Variants in DOCK8 observed in about 807,000 individuals in gnomAD.
DOCK8 encodes the protein dedicator of cytokinesis 8.
A neutral mutation model predicts 245.6 loss-of-function variants in DOCK8; 141 were observed. The ratio of observed to expected loss-of-function variants is 0.57; its 90% CI spans 0.50 to 0.66. DOCK8 has a LOEUF of 0.66. Among genes scored for constraint, DOCK8 ranks in the 30% least tolerant of loss-of-function variants. The probability of loss-of-function intolerance (pLI) is 0.00; values close to 1 mark genes in which losing one functional copy is unlikely to be tolerated. For missense variants in DOCK8, 2,965 were observed against 2,603.4 expected, an observed-to-expected ratio of 1.14 and a Z score of -3.02; for synonymous variants, 1,168 against 970.2, an observed-to-expected ratio of 1.20 and a Z score of -3.79.
At chr9:238,986 C>T (rs1294407219) in intron 1 of DOCK8, among the ~76,000 whole-genome samples, 6 of 152,138 alleles carry the variant, frequency 3.9e-5, no homozygotes, top group Non-Finnish European at 8.8e-5. Context: ...CACCGATTCA[C>T]CTACTCTGTG....
chr9:281,565 A>G (rs1182050940), intron 2 of DOCK8, among the ~76,000 whole-genome samples: 15 of 152,088 alleles, frequency 9.9e-5, no homozygotes, highest in East Asian at 7.7e-4. Context: ...CTGAAATGCA[A>G]TGCCACTGTA....
intron 6 of DOCK8, among the ~76,000 whole-genome samples, chr9:316,348 C>T (rs1192081869): frequency 6.6e-6 from 1 of 152,150 alleles, no homozygotes; most frequent in East Asian, 1.9e-4. Context: ...AATGATAGTT[C>T]AGATACAGAT....
intron 1 of DOCK8, among the ~76,000 whole-genome samples, chr9:244,548 C>G (rs1170295780): frequency 6.6e-6 from 1 of 152,184 alleles, no homozygotes; most frequent in Non-Finnish European, 1.5e-5. Context: ...CTCCCGCAAC[C>G]TGCCCCTGGT....
intron 24 of DOCK8, among the ~76,000 whole-genome samples, chr9:396,348 T>C (rs1421599072): frequency 5.9e-5 from 9 of 152,192 alleles, no homozygotes; most frequent in Admixed American, 5.9e-4. Context: ...CTCCTTACTG[T>C]AGTTTCAGGA....
intron 14 of DOCK8, among the ~76,000 whole-genome samples, chr9:361,808 G>T (rs116301717): frequency 1.3e-5 from 2 of 152,100 alleles, no homozygotes; most frequent in Admixed American, 6.5e-5. Context: ...ATTTTATTTC[G>T]AAATAAAATC....
At chr9:461,348 T>C (rs2057798240) in intron 46 of DOCK8, among the ~76,000 whole-genome samples, 1 of 152,156 alleles carries the variant, frequency 6.6e-6, no homozygotes, top group Admixed American at 6.5e-5. Flanking sequence ...TTCTATTAGA[T>C]GTGGGTTGGA....
chr9:300,055 C>G (rs2049463194), intron 4 of DOCK8, among the ~76,000 whole-genome samples: 1 of 151,846 alleles, frequency 6.6e-6, no homozygotes, highest in South Asian at 2.1e-4. Flanking sequence ...TTGTGGTAAG[C>G]CTTGACTTGA....
chr9:229,469 A>C (rs1374098957), intron 1 of DOCK8, among the ~76,000 whole-genome samples: 1 of 152,146 alleles, frequency 6.6e-6, no homozygotes, highest in African/African-American at 2.4e-5. Context: ...CCATAATTAC[A>C]CTGATGGACT....
chr9:391,823 T>C (rs1052584031), intron 24 of DOCK8, among the ~76,000 whole-genome samples: 3 of 75,126 alleles, frequency 4.0e-5, no homozygotes, highest in African/African-American at 2.2e-4. Flanking sequence ...AAGTGAATCT[T>C]TTTTTTTTTT....
intron 7 of DOCK8, among the ~76,000 whole-genome samples, chr9:322,753 A>G (rs1563919787): frequency 1.3e-5 from 2 of 152,200 alleles, no homozygotes; most frequent in East Asian, 1.9e-4. Context: ...ACAATTAAAT[A>G]TAGATTGAGC....
intron 8 of DOCK8, among the ~76,000 whole-genome samples, chr9:326,668 C>G (rs1001017849): frequency 2.6e-5 from 4 of 152,246 alleles, no homozygotes; most frequent in African/African-American, 2.4e-5. Flanking sequence ...AGGGACCCCT[C>G]TGTTCCACGC....
chr9:212,394 G>A (rs1293694697), upstream of DOCK8, among the ~76,000 whole-genome samples: 3 of 152,158 alleles, frequency 2.0e-5, no homozygotes, highest in African/African-American at 7.2e-5. Flanking sequence ...CAAAGATACG[G>A]AGAAAGAGGA....
chr9:453,103 G>T (rs1287395619), intron 46 of DOCK8, among the ~76,000 whole-genome samples: 1 of 152,262 alleles, frequency 6.6e-6, no homozygotes, highest in African/African-American at 2.4e-5. Flanking sequence ...TCATCAAAAT[G>T]CTAGCATTTG....
At chr9:460,797 A>T (rs2057781651) in intron 46 of DOCK8, among the ~76,000 whole-genome samples, 1 of 152,204 alleles carries the variant, frequency 6.6e-6, no homozygotes, top group Admixed American at 6.5e-5. Flanking sequence ...TTCCTCTTTG[A>T]CTGTCATCCT....
At chr9:400,255 A>T (rs1355792828) in intron 26 of DOCK8, among the ~76,000 whole-genome samples, 5 of 102,518 alleles carry the variant, frequency 4.9e-5, no homozygotes, top group Admixed American at 1.9e-4. Context: ...CTCCACCATC[A>T]CCACCACCTC....
At chr9:326,166 T>C (rs1418202965) in intron 8 of DOCK8, among the ~76,000 whole-genome samples, 1 of 152,216 alleles carries the variant, frequency 6.6e-6, no homozygotes, top group Non-Finnish European at 1.5e-5. Flanking sequence ...CCTTACCAAC[T>C]GTAATGTGCT....
intron 2 of DOCK8, among the ~76,000 whole-genome samples, chr9:275,580 T>A (rs1469679526): frequency 6.6e-6 from 1 of 152,168 alleles, no homozygotes; most frequent in African/African-American, 2.4e-5. Flanking sequence ...CTGTTATTTA[T>A]TTATTTAAAA....
At chr9:389,869 G>GA (rs1211678574) in intron 23 of DOCK8, among the ~76,000 whole-genome samples, 2 of 151,946 alleles carry the variant, frequency 1.3e-5, no homozygotes, top group Non-Finnish European at 2.9e-5. Context: ...AAAGAAAAAA[G>GA]AAAAAACTAG....
chr9:306,637 T>C (rs1427411978), intron 5 of DOCK8, among the ~76,000 whole-genome samples: 1 of 152,140 alleles, frequency 6.6e-6, no homozygotes, highest in Non-Finnish European at 1.5e-5. Flanking sequence ...CACTTCAGCT[T>C]CATCAGAATC....
Sources: gnomAD v4.1 joint callset for allele counts (sites outside exome capture counted in the v4.1 genomes callset) on GRCh38, gnomAD v4.1.1 for gene constraint, MANE v1.5 for transcripts, NCBI Gene and HGNC (gene_info 2026-07-23, HGNC 2026-07-21) for gene names.